KCNB2: variants seen among roughly 807,000 people sequenced by gnomAD.
The protein encoded by KCNB2 is delayed rectifier potassium channel protein.
KCNB2 carries 15 observed loss-of-function variants against 61.5 expected under a neutral mutation model. The observed-to-expected ratio is 0.24, with a 90% CI of 0.16 to 0.38. The LOEUF is 0.38. Ranked by LOEUF, KCNB2 falls within the 10% of genes least tolerant of loss-of-function variation. KCNB2 has a pLI of 1.00. For synonymous variants in KCNB2, 457 were observed against 446.0 expected (o/e 1.02, Z -0.31); for missense variants, 828 against 1,125.2 (o/e 0.74, Z 3.78).
intron 2 of KCNB2, among the ~76,000 whole-genome samples, chr8:72,750,018 T>A (rs1305147379): frequency 4.6e-5 from 7 of 151,768 alleles, no homozygotes; most frequent in Non-Finnish European, 1.0e-4. Flanking sequence ...TTTGTGTTTA[T>A]CAAAGATTTT....
chr8:72,565,425 A>G (rs1253321264), intron 1 of KCNB2, among the ~76,000 whole-genome samples: 1 of 152,180 alleles, frequency 6.6e-6, no homozygotes, highest in African/African-American at 2.4e-5. Flanking sequence ...TCCCTTTAGT[A>G]TAAGCTGTTG....
chr8:72,851,238 G>T (rs1471773660), intron 2 of KCNB2, among the ~76,000 whole-genome samples: 5 of 152,272 alleles, frequency 3.3e-5, no homozygotes, highest in African/African-American at 1.2e-4. Context: ...TAAATCTCAA[G>T]TACGTGTGAA....
chr8:72,746,905 C>T (rs1269081063), intron 2 of KCNB2, among the ~76,000 whole-genome samples: 3 of 152,182 alleles, frequency 2.0e-5, no homozygotes, highest in Admixed American at 6.5e-5. Context: ...TTTAATACCC[C>T]TTCTCACTAT....
At chr8:72,766,965 A>C (rs574415907) in intron 2 of KCNB2, among the ~76,000 whole-genome samples, 2 of 152,260 alleles carry the variant, frequency 1.3e-5, no homozygotes, top group South Asian at 4.2e-4. Context: ...CACTTCTTAC[A>C]TGGCAGCAGC....
chr8:72,587,274 G>A (rs1160041703), intron 2 of KCNB2, among the ~76,000 whole-genome samples: 1 of 152,076 alleles, frequency 6.6e-6, no homozygotes, highest in African/African-American at 2.4e-5. Flanking sequence ...GAGACTGAAA[G>A]CTTCTTGAAG....
Position 72,567,906 on chromosome 8 carries a change from AG to A in KCNB2, c.174del (p.Thr59ArgfsTer24). The part of the protein sequence containing the change: ...VLWRTLDRLP[R>X]TRLGKLRDCN... ...GTGGAGAACGCTGGACAGGCTGCCCAGGACGCGCCTGGGGAAGCTTCGAGAC... is the reference window on the plus strand; with the variant it reads ...GTGGAGAACGCTGGACAGGCTGCCCAGACGCGCCTGGGGAAGCTTCGAGAC... On this transcript the variant is annotated frameshift_variant, in exon 2 of 3. Coordinates refer to ENST00000523207, the MANE Select transcript of KCNB2 (RefSeq NM_004770.3). LOFTEE classifies it high-confidence loss of function. 1 of 1,614,032 alleles carries A rather than the reference AG, an allele frequency of 6.2e-7. No homozygotes were observed. The highest frequency in any genetic ancestry group is 8.5e-7 in the Non-Finnish European group (1 of 1,179,972).
intron 2 of KCNB2, among the ~76,000 whole-genome samples, chr8:72,752,019 C>T (rs975561983): frequency 3.3e-5 from 5 of 152,136 alleles, no homozygotes; most frequent in Non-Finnish European, 7.4e-5. Context: ...AAGAAATATT[C>T]AGGATTCAAA....
At chr8:72,730,085 G>A (rs567321572) in intron 2 of KCNB2, among the ~76,000 whole-genome samples, 15 of 152,132 alleles carry the variant, frequency 9.9e-5, no homozygotes, top group East Asian at 9.7e-4. Context: ...CTTGATGCCC[G>A]TAGACATCAT....
intron 2 of KCNB2, among the ~76,000 whole-genome samples, chr8:72,798,889 G>T (rs140410331): frequency 6.6e-6 from 1 of 152,160 alleles, no homozygotes; most frequent in Non-Finnish European, 1.5e-5. Flanking sequence ...GGGCAAGGAA[G>T]TGACAAAAAA....
At chr8:72,904,769 T>G (rs1806146126) in intron 2 of KCNB2, among the ~76,000 whole-genome samples, 1 of 152,098 alleles carries the variant, frequency 6.6e-6, no homozygotes, top group South Asian at 2.1e-4. Context: ...AACATCTACT[T>G]GAAAATTTAT....
At chr8:72,687,871 A>C (rs1218911513) in intron 2 of KCNB2, among the ~76,000 whole-genome samples, 1 of 152,156 alleles carries the variant, frequency 6.6e-6, no homozygotes. Context: ...CTAAGGAGCT[A>C]TAGTTGGGAG....
chr8:72,553,568 A>G (rs995361378), intron 1 of KCNB2, among the ~76,000 whole-genome samples: 1 of 152,144 alleles, frequency 6.6e-6, no homozygotes, highest in Non-Finnish European at 1.5e-5. Flanking sequence ...TACTTTTGAG[A>G]TAAATGTCAT....
chr8:72,673,966 C>A lies in KCNB2; in HGVS notation c.579+105653C>A, dbSNP rs552519635. On this transcript the variant is annotated intron_variant, in intron 2 of 2. Coordinates refer to ENST00000523207, the MANE Select transcript of KCNB2 (RefSeq NM_004770.3). Reference sequence around the variant, plus strand: ...GATTTTTATGTTAGGTATATTTTACCGTAATTTAAAAAATGAAAGAGAAAA... The same window carrying A: ...GATTTTTATGTTAGGTATATTTTACAGTAATTTAAAAAATGAAAGAGAAAA... Among the ~76,000 whole-genome samples the A allele has an allele frequency of 5.9e-5, 9 of 152,078 alleles. No homozygotes were observed. The South Asian group carries it at 1.5e-3, about 25-fold the overall frequency.
At chr8:72,735,608 T>C (rs1418103614) in intron 2 of KCNB2, among the ~76,000 whole-genome samples, 1 of 152,202 alleles carries the variant, frequency 6.6e-6, no homozygotes, top group African/African-American at 2.4e-5. Context: ...GGCTGACCTT[T>C]CTATTCTGTA....
chr8:72,564,145 A>G (rs1440696666), intron 1 of KCNB2, among the ~76,000 whole-genome samples: 1 of 152,216 alleles, frequency 6.6e-6, no homozygotes, highest in Non-Finnish European at 1.5e-5. Flanking sequence ...CTTGAGACAC[A>G]CACCCTACAA....
At chr8:72,917,436 G>C (rs2981082) in intron 2 of KCNB2, among the ~76,000 whole-genome samples, 93,789 of 152,002 alleles carry the variant, frequency 0.62, 30,041 homozygotes, top group Middle Eastern at 0.71. Flanking sequence ...AATTTATGCT[G>C]TTATTAAATG....
At chr8:72,630,849 T>A (rs919192811) in intron 2 of KCNB2, among the ~76,000 whole-genome samples, 1 of 152,174 alleles carries the variant, frequency 6.6e-6, no homozygotes, top group Non-Finnish European at 1.5e-5. Flanking sequence ...CACCCCTTGA[T>A]AAACCTAACT....
At chr8:72,886,756 C>T (rs1467362091) in intron 2 of KCNB2, among the ~76,000 whole-genome samples, 1 of 152,212 alleles carries the variant, frequency 6.6e-6, no homozygotes, top group Non-Finnish European at 1.5e-5. Context: ...AAAATAGTAG[C>T]GATTTAAACA....
chr8:72,552,476 C>G (rs576606817), intron 1 of KCNB2, among the ~76,000 whole-genome samples: 10 of 152,188 alleles, frequency 6.6e-5, no homozygotes, highest in Non-Finnish European at 1.2e-4. Flanking sequence ...GAAATAGCCA[C>G]ATGTGACTAG....
Sources: allele counts gnomAD v4.1 joint callset (sites outside exome capture counted in the v4.1 genomes callset), GRCh38; gene constraint gnomAD v4.1.1; transcripts MANE v1.5; gene names NCBI Gene and HGNC (gene_info 2026-07-23, HGNC 2026-07-21).